Variants in MTUS2 observed in about 807,000 individuals in gnomAD.
The protein encoded by MTUS2 is microtubule-associated tumor suppressor candidate 2.
A neutral mutation model predicts 114.1 loss-of-function variants in MTUS2; 40 were observed. That is an observed-to-expected ratio of 0.35 (90% CI 0.27 to 0.46). The LOEUF (loss-of-function observed/expected upper bound fraction) is 0.46. MTUS2 is among the 20% of genes least tolerant of loss of function. The pLI is 1.00. For synonymous variants in MTUS2, 688 were observed against 672.0 expected (o/e 1.02, Z -0.37); for missense variants, 1,679 against 1,705.4 (o/e 0.98, Z 0.27).
chr13:29,407,667 TG>T (rs1874880339), intron 8 of MTUS2, among the ~76,000 whole-genome samples: 1 of 151,728 alleles, frequency 6.6e-6, no homozygotes, highest in African/African-American at 2.4e-5. Flanking sequence ...TTAGTAGAGA[TG>T]GGGTTTCACC....
chr13:29,227,686 G>A (rs562405673), intron 5 of MTUS2, among the ~76,000 whole-genome samples: 2 of 152,204 alleles, frequency 1.3e-5, no homozygotes, highest in African/African-American at 4.8e-5. Flanking sequence ...TGAGAGGGAA[G>A]TTACTTTATC....
chr13:29,312,731 A>G (rs1205272209), intron 6 of MTUS2, among the ~76,000 whole-genome samples: 1 of 152,190 alleles, frequency 6.6e-6, no homozygotes, highest in Admixed American at 6.5e-5. Flanking sequence ...CTCAGTATCT[A>G]ATAGATCATG....
chr13:29,131,459 T>TGGTGGGTGC (rs1891759709), intron 5 of MTUS2, among the ~76,000 whole-genome samples: 1 of 152,222 alleles, frequency 6.6e-6, no homozygotes, highest in Non-Finnish European at 1.5e-5. Flanking sequence ...TGCCAACAGA[T>TGGTGGGTGC]CCCAGACAGC....
At chr13:29,170,231 G>T (rs915750369) in intron 5 of MTUS2, among the ~76,000 whole-genome samples, 1 of 69,572 alleles carries the variant, frequency 1.4e-5, no homozygotes, top group Non-Finnish European at 3.1e-5. Flanking sequence ...TAGGATAAGG[G>T]CAAAGAGAGC....
At chr13:29,022,044 T>A (rs1048564312) in intron 2 of MTUS2, among the ~76,000 whole-genome samples, 1 of 152,026 alleles carries the variant, frequency 6.6e-6, no homozygotes, top group African/African-American at 2.4e-5. Context: ...GGTACGGAAA[T>A]GCAAGCGCAC....
In MTUS2 at chr13:29,504,419, G is replaced by T. The variant is rs1293730506; in HGVS notation, c.*1213G>T. 13 of 231,928 alleles carry T rather than the reference G, an allele frequency of 5.6e-5. No homozygotes were observed. The Admixed American group carries it at 5.7e-4, about 10-fold the overall frequency. The allele number at this position is 231,928 out of a possible 1,614,324, so 14.4% of individuals were successfully genotyped here. ...AAAAAAAAAACACCATTTCTGTCCCGGGGGACCAGTTCTGAGCTGTGCTAG... is the reference window on the plus strand; with the variant it reads ...AAAAAAAAAACACCATTTCTGTCCCTGGGGACCAGTTCTGAGCTGTGCTAG... On this transcript the variant is annotated 3_prime_UTR_variant, in exon 16 of 16. Transcript: ENST00000612955.
chr13:29,375,556 T>A (rs1320697737), intron 8 of MTUS2, among the ~76,000 whole-genome samples: 1 of 12,748 alleles, frequency 7.8e-5, no homozygotes, highest in African/African-American at 1.0e-4. Context: ...TATATATATA[T>A]ACGTATATAT....
chr13:29,104,613 A>G (rs1176382576), intron 5 of MTUS2, among the ~76,000 whole-genome samples: 1 of 152,178 alleles, frequency 6.6e-6, no homozygotes, highest in African/African-American at 2.4e-5. Context: ...ACAAGTAGCC[A>G]CAGTTCCTGT....
chr13:28,906,514 C>T (rs1880025374), intron 2 of MTUS2, among the ~76,000 whole-genome samples: 1 of 151,304 alleles, frequency 6.6e-6, no homozygotes, highest in African/African-American at 2.4e-5. Context: ...CGTTATGTAC[C>T]CAGTAGTCAT....
At chr13:29,461,667 C>CTGCCTGCTG in intron 9 of MTUS2, among the ~76,000 whole-genome samples, 1 of 146,692 alleles carries the variant, frequency 6.8e-6, no homozygotes, top group African/African-American at 2.7e-5. Flanking sequence ...GAATATCAGG[C>CTGCCTGCTG]AGAGTACTAT....
chr13:29,441,263 G>A (rs1593447036), intron 9 of MTUS2, among the ~76,000 whole-genome samples: 2 of 152,130 alleles, frequency 1.3e-5, no homozygotes, highest in Non-Finnish European at 2.9e-5. Context: ...GGCTAGGAAA[G>A]GCAGGGTGTG....
rs536169890 is a variant in MTUS2 at position 29,308,029 on chromosome 13, A to G, written c.2807-16584A>G. ...CTGCCCACAGTAATTTATAGATTCA[A>G]TGCTATCCCATTAAACTACCATTGA... On this transcript the variant is annotated intron_variant, in intron 6 of 15. Transcript: ENST00000612955. 2.0e-5 allele frequency among the ~76,000 whole-genome samples: 3 copies of G among 152,358 alleles called. No individual in the cohort carries two copies. In the South Asian group the frequency reaches 6.2e-4, roughly 32 times the overall value.
At chr13:28,994,125 A>G (rs554730241) in intron 2 of MTUS2, among the ~76,000 whole-genome samples, 1 of 151,862 alleles carries the variant, frequency 6.6e-6, no homozygotes, top group Non-Finnish European at 1.5e-5. Context: ...TTGTTCAATT[A>G]CCACCTATGA....
At chr13:29,401,668 G>C (rs995394644) in intron 8 of MTUS2, among the ~76,000 whole-genome samples, 1 of 152,044 alleles carries the variant, frequency 6.6e-6, no homozygotes, top group African/African-American at 2.4e-5. Flanking sequence ...AAATATGAAC[G>C]GTTCTGTTTC....
At chr13:28,827,258 C>T (rs1003489220) in intron 1 of MTUS2, among the ~76,000 whole-genome samples, 1 of 152,122 alleles carries the variant, frequency 6.6e-6, no homozygotes, top group African/African-American at 2.4e-5. Flanking sequence ...GTGAACATGC[C>T]AAACATTAGG....
At chr13:29,311,224 C>T (rs570480476) in intron 6 of MTUS2, among the ~76,000 whole-genome samples, 1 of 152,266 alleles carries the variant, frequency 6.6e-6, no homozygotes, top group African/African-American at 2.4e-5. Context: ...AAAAGCAAGA[C>T]ATGATCACTA....
At chr13:29,096,425 C>G (rs1890181939) in intron 4 of MTUS2, among the ~76,000 whole-genome samples, 1 of 152,170 alleles carries the variant, frequency 6.6e-6, no homozygotes, top group African/African-American at 2.4e-5. Flanking sequence ...AATTCAAGCT[C>G]CTTTTCAAGG....
At chr13:29,032,605 A>G (rs1289400623) in intron 3 of MTUS2, among the ~76,000 whole-genome samples, 4 of 152,258 alleles carry the variant, frequency 2.6e-5, no homozygotes, top group South Asian at 2.1e-4. Flanking sequence ...ACTATCTACT[A>G]TAACAGTCAT....
At chr13:29,299,864 T>TG (rs1175993637) in intron 6 of MTUS2, among the ~76,000 whole-genome samples, 1 of 149,248 alleles carries the variant, frequency 6.7e-6, no homozygotes, top group Non-Finnish European at 1.5e-5. Flanking sequence ...AAAGACAGCA[T>TG]GAAAAAAAAA....
Sources: allele counts gnomAD v4.1 joint callset (sites outside exome capture counted in the v4.1 genomes callset), GRCh38; gene constraint gnomAD v4.1.1; transcripts MANE v1.5; gene names NCBI Gene and HGNC (gene_info 2026-07-23, HGNC 2026-07-21).